Variants in CYFIP2 observed in about 807,000 individuals in gnomAD.
CYFIP2 encodes cytoplasmic FMR1-interacting protein 2.
CYFIP2 carries 29 observed loss-of-function variants against 158.7 expected under a neutral mutation model. That is an observed-to-expected ratio of 0.18 (90% CI 0.14 to 0.25). The LOEUF (loss-of-function observed/expected upper bound fraction) is 0.25. CYFIP2 is among the 10% of genes least tolerant of loss of function. The probability of loss-of-function intolerance (pLI) is 1.00; values close to 1 mark genes in which losing one functional copy is unlikely to be tolerated. For synonymous variants in CYFIP2, 585 were observed against 617.6 expected, an observed-to-expected ratio of 0.95 and a Z score of 0.78; for missense variants, 852 against 1,639.5, an observed-to-expected ratio of 0.52 and a Z score of 8.29.
chr5:157,338,716 C>T (rs1204382781), intron 21 of CYFIP2, among the ~76,000 whole-genome samples: 3 of 152,092 alleles, frequency 2.0e-5, no homozygotes, highest in African/African-American at 7.2e-5. Context: ...TTTTTCTCAC[C>T]AACATAGAAA....
At chr5:157,315,232 C>T (rs1316778803) in intron 13 of CYFIP2, 138 bp downstream of exon 13, 11 of 1,198,504 alleles carry the variant, frequency 9.2e-6, no homozygotes, top group Non-Finnish European at 1.2e-5. Flanking sequence ...TAAATTAATC[C>T]GTCAGAAGTT....
At chr5:157,275,572 G>T (rs1443720962) in intron 1 of CYFIP2, among the ~76,000 whole-genome samples, 2 of 152,176 alleles carry the variant, frequency 1.3e-5, no homozygotes, top group African/African-American at 2.4e-5. Context: ...ATCAGGAAGT[G>T]TGAGTCTTCC....
At chr5:157,277,525 A>G (rs955527075) in intron 1 of CYFIP2, among the ~76,000 whole-genome samples, 7 of 152,236 alleles carry the variant, frequency 4.6e-5, no homozygotes, top group Non-Finnish European at 1.0e-4. Context: ...GTACTTCCCC[A>G]GTGCCTAATC....
chr5:157,349,828 T>C (rs369648552), intron 23 of CYFIP2, among the ~76,000 whole-genome samples: 1 of 152,272 alleles, frequency 6.6e-6, no homozygotes, highest in Non-Finnish European at 1.5e-5. Flanking sequence ...TAAGGTGATA[T>C]CACATTGTGG....
chr5:157,381,201 TC>T (rs1489000743), intron 26 of CYFIP2, among the ~76,000 whole-genome samples: 2 of 152,152 alleles, frequency 1.3e-5, no homozygotes, highest in African/African-American at 2.4e-5. Flanking sequence ...TACCTTGCCT[TC>T]CCTTTCCACT....
chr5:157,324,690 A>G (rs957846405), intron 16 of CYFIP2: 2 of 152,050 alleles, frequency 1.3e-5, no homozygotes, highest in Non-Finnish European at 2.9e-5. Flanking sequence ...AGGAGCCACA[A>G]TCCAGTTGAA....
intron 23 of CYFIP2, among the ~76,000 whole-genome samples, chr5:157,353,642 G>A (rs564973270): frequency 1.5e-4 from 23 of 152,334 alleles, no homozygotes; most frequent in African/African-American, 5.3e-4. Flanking sequence ...TCCCGACAAG[G>A]ACGATGCTGC....
chr5:157,361,542 A>G lies in CYFIP2; in HGVS notation c.2983A>G (p.Ser995Gly), dbSNP rs1763826125. ...YAELKTDVFQ[S>G]LREVGNAILF... ...AGAGCTCAAAACAGACGTGTTCCAGAGCCTGAGGGAAGTGGGCAATGCCAT... is the reference window on the plus strand; with the variant it reads ...AGAGCTCAAAACAGACGTGTTCCAGGGCCTGAGGGAAGTGGGCAATGCCAT... The change falls in exon 26 of 31, where the codon AGC (serine) becomes GGC (glycine). Residue 995 changes from serine to glycine, a missense_variant. This residue lies in a region of CYFIP2 where 223 missense variants were observed against 381.6 expected (regional missense o/e 0.58). Transcript: ENST00000620254. This position sits in a 1 kb window ranked among gnomAD's most constrained non-coding sequence, Gnocchi z 4.4. The G allele has an allele frequency of 6.2e-7, 1 of 1,614,034 alleles. No homozygotes were observed. Among genetic ancestry groups the G allele is most frequent in the Non-Finnish European group, 8.5e-7 (1 of 1,179,986 alleles).
chr5:157,389,448 G>T (rs1273078930), intron 29 of CYFIP2, 21 bp downstream of exon 29: 1 of 1,544,822 alleles, frequency 6.5e-7, no homozygotes, highest in Non-Finnish European at 8.8e-7. Context: ...CCCAGAGAAG[G>T]CAGGGTTACC....
chr5:157,371,128 G>C (rs576288019), intron 26 of CYFIP2, among the ~76,000 whole-genome samples: 1 of 152,306 alleles, frequency 6.6e-6, no homozygotes, highest in Admixed American at 6.5e-5. Flanking sequence ...GGGTCATGGT[G>C]CAAGTGGGAA....
intron 5 of CYFIP2, among the ~76,000 whole-genome samples, chr5:157,298,979 C>T (rs1758484752): frequency 6.6e-6 from 1 of 152,104 alleles, no homozygotes; most frequent in African/African-American, 2.4e-5. Context: ...AGTTGATGGA[C>T]ATTGGTTTAT....
At chr5:157,314,863 T>A in intron 12 of CYFIP2, 106 bp from the exon 13 acceptor site, 1 of 929,204 alleles carries the variant, frequency 1.1e-6, no homozygotes, top group Admixed American at 2.6e-5. Context: ...AATCAGTACT[T>A]TATTCCTTTT....
At chr5:157,345,056 C>T (rs1056097704) in intron 23 of CYFIP2, among the ~76,000 whole-genome samples, 10 of 152,220 alleles carry the variant, frequency 6.6e-5, no homozygotes, top group Admixed American at 2.0e-4. Flanking sequence ...AGGGATGAGA[C>T]GGATGTGCTC....
At chr5:157,285,940 C>A (rs773141570) in intron 2 of CYFIP2, among the ~76,000 whole-genome samples, 4 of 152,170 alleles carry the variant, frequency 2.6e-5, no homozygotes, top group Non-Finnish European at 4.4e-5. Context: ...TGTGATAAAC[C>A]ACCATCAGAT....
chr5:157,298,925 C>T (rs10068345), intron 5 of CYFIP2, among the ~76,000 whole-genome samples: 4,871 of 152,230 alleles, frequency 0.032, 271 homozygotes, highest in African/African-American at 0.11. Flanking sequence ...GACTGAATAC[C>T]ATTCCATTGT....
intron 26 of CYFIP2, among the ~76,000 whole-genome samples, chr5:157,375,013 T>C (rs1320055457): frequency 6.6e-6 from 1 of 152,148 alleles, no homozygotes; most frequent in Non-Finnish European, 1.5e-5. Context: ...CTGGGGACAT[T>C]TACTACCCAG....
At position 157,339,054 on chromosome 5, in the gene CYFIP2, C is replaced by T; in HGVS notation, c.2386-3C>T. On this transcript the variant is annotated splice_region_variant and splice_polypyrimidine_tract_variant and intron_variant, in intron 21 of 30. Coordinates refer to ENST00000620254, the MANE Select transcript of CYFIP2 (RefSeq NM_001037333.3). ...AGCAGTTGTGGGCTCTCTCTCTGTA[C>T]AGGAGCTGGAGTGGCTGCTGGAGAT... 3 of 1,609,288 alleles carry T rather than the reference C, an allele frequency of 1.9e-6. No homozygotes were observed. The highest frequency in any genetic ancestry group is 2.2e-5 in the South Asian group (2 of 90,280).
At chr5:157,331,287 G>T (rs1367138651) in intron 20 of CYFIP2, among the ~76,000 whole-genome samples, 1 of 151,312 alleles carries the variant, frequency 6.6e-6, no homozygotes, top group East Asian at 1.9e-4. Context: ...GTGCAGAGTT[G>T]GTTTCTATTA....
At chr5:157,376,859 T>C (rs1338339995) in intron 26 of CYFIP2, 3 of 456,374 alleles carry the variant, frequency 6.6e-6, no homozygotes, top group Non-Finnish European at 1.3e-5. Flanking sequence ...AGGCCTCACA[T>C]CTAGTTGCCT....
Sources: allele counts gnomAD v4.1 joint callset (sites outside exome capture counted in the v4.1 genomes callset), GRCh38; gene constraint gnomAD v4.1.1; regional missense constraint gnomAD v4.1.1; non-coding constraint Gnocchi (gnomAD v3.1); transcripts MANE v1.5; gene names NCBI Gene and HGNC (gene_info 2026-07-23, HGNC 2026-07-21).